Variants in USP14 observed in about 807,000 individuals in gnomAD.
USP14 encodes ubiquitin specific peptidase 14.
A neutral mutation model predicts 76.5 loss-of-function variants in USP14; 38 were observed. The ratio of observed to expected loss-of-function variants is 0.50; its 90% CI spans 0.38 to 0.65. The LOEUF (loss-of-function observed/expected upper bound fraction) is 0.65, where lower values mean the gene tolerates loss of function less well. Among genes scored for constraint, USP14 ranks in the 30% least tolerant of loss-of-function variants. The pLI is 0.00. For synonymous variants in USP14, 192 were observed against 191.7 expected, an observed-to-expected ratio of 1.00 and a Z score of -0.01; for missense variants, 467 against 586.5, an observed-to-expected ratio of 0.80 and a Z score of 2.10.
chr18:190,852 G>A (rs970935763), intron 5 of USP14, among the ~76,000 whole-genome samples: 1 of 151,934 alleles, frequency 6.6e-6, no homozygotes, highest in Non-Finnish European at 1.5e-5. Context: ...ATAAACTTCA[G>A]TGTTAATGTT....
At chr18:168,698 G>A (rs1223653986) in intron 3 of USP14, among the ~76,000 whole-genome samples, 1 of 151,970 alleles carries the variant, frequency 6.6e-6, no homozygotes, top group Non-Finnish European at 1.5e-5. Context: ...ATCTCCCAAA[G>A]TGCTGGAATT....
Position 174,609 on chromosome 18 carries a change from C to A in USP14, c.196-4324C>A, listed in dbSNP as rs893197920. ...GTTGTCGTAAGTGGTACTTTTCTTT[C>A]TTTTTTTTTTTTTTTTTAAAGACGA... On this transcript the variant is annotated intron_variant, in intron 3 of 15. Coordinates refer to ENST00000261601, the MANE Select transcript of USP14 (RefSeq NM_005151.4). Among the ~76,000 whole-genome samples the A allele has an allele frequency of 1.4e-4, 19 of 134,782 alleles. No individual in the cohort carries two copies. In the East Asian group the frequency reaches 3.9e-3, roughly 28 times the overall value. 88.4% of individuals were successfully genotyped at this position (134,782 alleles called of 152,430 possible).
chr18:207,128 AT>A (rs1319187286), intron 13 of USP14, among the ~76,000 whole-genome samples: 2 of 145,638 alleles, frequency 1.4e-5, no homozygotes, highest in East Asian at 3.9e-4. Context: ...GACCATCTGT[AT>A]TTATGAGTGT....
At chr18:199,503 G>T (rs1910329505) in intron 10 of USP14, among the ~76,000 whole-genome samples, 187 bp downstream of exon 10, 1 of 151,940 alleles carries the variant, frequency 6.6e-6, no homozygotes. Context: ...GTTTCAGCTT[G>T]GTAAACAAAT....
intron 5 of USP14, among the ~76,000 whole-genome samples, chr18:186,718 C>G (rs933168078): frequency 6.6e-6 from 1 of 151,982 alleles, no homozygotes; most frequent in Admixed American, 6.6e-5. Context: ...CACCACTGCA[C>G]TCCAGCCTGG....
intron 6 of USP14, among the ~76,000 whole-genome samples, chr18:194,838 C>T (rs1234622014): frequency 1.3e-5 from 2 of 151,946 alleles, no homozygotes; most frequent in South Asian, 2.1e-4. Flanking sequence ...GGCTGAGGCA[C>T]GAGAATCGCT....
chr18:190,727 A>G (rs1166598637), intron 5 of USP14, among the ~76,000 whole-genome samples: 1 of 152,172 alleles, frequency 6.6e-6, no homozygotes, highest in Non-Finnish European at 1.5e-5. Context: ...GATTTTCTAT[A>G]TCATTACTTT....
intron 5 of USP14, among the ~76,000 whole-genome samples, chr18:185,975 T>A (rs1193620049): frequency 2.6e-5 from 4 of 151,988 alleles, no homozygotes; most frequent in African/African-American, 9.7e-5. Flanking sequence ...ATACTGGGAT[T>A]ACAGGTGTGA....
At chr18:196,311 T>C (rs542557027) in intron 6 of USP14, among the ~76,000 whole-genome samples, 5 of 150,868 alleles carry the variant, frequency 3.3e-5, no homozygotes, top group African/African-American at 1.2e-4. Flanking sequence ...GGTCAGGAGT[T>C]GGAGACCAGA....
chr18:194,626 C>T (rs1036572855), intron 6 of USP14, among the ~76,000 whole-genome samples: 2 of 152,088 alleles, frequency 1.3e-5, no homozygotes, highest in Non-Finnish European at 2.9e-5. Flanking sequence ...AACCACAAGA[C>T]AATTCTTAAT....
At position 211,334 on chromosome 18, in the gene USP14, G is replaced by A; in HGVS notation, c.*50G>A. ...GATGTGAAAATAAATGTTATTTGTT[G>A]ATCATTTCTATAATCCAGAGCTTTA... On this transcript the variant is annotated 3_prime_UTR_variant, in exon 16 of 16. Coordinates refer to ENST00000261601, the MANE Select transcript of USP14 (RefSeq NM_005151.4). The A allele has an allele frequency of 6.4e-7, 1 of 1,553,514 alleles. No homozygotes were observed. The highest frequency in any genetic ancestry group is 8.7e-7 in the Non-Finnish European group (1 of 1,142,888).
chr18:210,287 C>G, intron 14 of USP14, 99 bp from the exon 15 acceptor site: 2 of 900,156 alleles, frequency 2.2e-6, no homozygotes, highest in South Asian at 1.8e-5. Flanking sequence ...TCTGATAATA[C>G]TTTCGTAATG....
Position 158,606 on chromosome 18 carries a change from C to G in USP14, c.-93C>G. The G allele has an allele frequency of 3.6e-6, 5 of 1,397,182 alleles. No individual in the cohort carries two copies. The highest frequency in any genetic ancestry group is 4.8e-6 in the Non-Finnish European group (5 of 1,041,712). 86.5% of individuals were successfully genotyped at this position (1,397,182 alleles called of 1,614,324 possible). On this transcript the variant is annotated 5_prime_UTR_variant, in exon 1 of 16. Transcript: ENST00000261601. ...CGCCGCCACCACCGCGCCTCCGCCT[C>G]GGCCGCCGCCGCAGCTGCTCCTGGT...
chr18:204,798 T>C (rs1776443273), intron 13 of USP14, 106 bp downstream of exon 13: 9 of 1,292,296 alleles, frequency 7.0e-6, no homozygotes, highest in Non-Finnish European at 8.4e-6. Context: ...TTCAGAACTA[T>C]ACTTTGTATA....
At position 211,375 on chromosome 18, in the gene USP14, G is replaced by C; in HGVS notation, c.*91G>C. ...CAGAGCTTTAGAGGAAGACACATAG[G>C]TGGGTTTATGTTTCACCTCATTTGG... On this transcript the variant is annotated 3_prime_UTR_variant, in exon 16 of 16. Coordinates refer to ENST00000261601, the MANE Select transcript of USP14 (RefSeq NM_005151.4). The C allele has an allele frequency of 1.4e-6, 2 of 1,383,156 alleles. No individual in the cohort carries two copies. The highest frequency in any genetic ancestry group is 2.0e-6 in the Non-Finnish European group (2 of 1,023,682). 85.7% of individuals were successfully genotyped at this position (1,383,156 alleles called of 1,614,324 possible). A position where few individuals can be genotyped will look rare whatever the true frequency, so the allele number is the denominator to read the frequency against.
At chr18:187,350 A>G (rs1267373178) in intron 5 of USP14, among the ~76,000 whole-genome samples, 5 of 152,156 alleles carry the variant, frequency 3.3e-5, no homozygotes, top group Non-Finnish European at 7.4e-5. Flanking sequence ...GGTGTGTAGT[A>G]ATGCATACTT....
intron 2 of USP14, among the ~76,000 whole-genome samples, chr18:165,679 G>A (rs1909250344): frequency 6.6e-6 from 1 of 152,138 alleles, no homozygotes; most frequent in African/African-American, 2.4e-5. Flanking sequence ...CACCAAAAGA[G>A]CATATGATTT....
rs1910715609 is a variant in USP14, at chr18:213,035, T to A, written c.*1751T>A. The A allele has an allele frequency of 6.6e-6, 1 of 152,234 alleles. No individual in the cohort carries two copies. Among genetic ancestry groups the A allele is most frequent in the Admixed American group, 6.5e-5 (1 of 15,276 alleles). The allele number at this position is 152,234 out of a possible 1,614,324, so 9.4% of individuals were successfully genotyped here. On this transcript the variant is annotated 3_prime_UTR_variant, in exon 16 of 16. Transcript: ENST00000261601. The stretch of plus-strand genomic sequence containing the variant: ...GTAAATAGCTTCCTCACCTAAACTT[T>A]GACTTGGCAATCAATACTTTCTACT...
At chr18:185,402 G>A (rs961913871) in intron 5 of USP14, among the ~76,000 whole-genome samples, 14 of 152,076 alleles carry the variant, frequency 9.2e-5, no homozygotes, top group Admixed American at 7.2e-4. Flanking sequence ...TCATCTGCCC[G>A]CCTCAGCCTC....
Sources: gnomAD v4.1 joint callset for allele counts (sites outside exome capture counted in the v4.1 genomes callset) on GRCh38, gnomAD v4.1.1 for gene constraint, MANE v1.5 for transcripts, NCBI Gene and HGNC (gene_info 2026-07-23, HGNC 2026-07-21) for gene names.